Variants in FAM76A observed in about 807,000 individuals in gnomAD.
FAM76A encodes the protein family with sequence similarity 76 member A, also known as protein FAM76A.
FAM76A carries 32 observed loss-of-function variants against 46.2 expected under a neutral mutation model. The ratio of observed to expected loss-of-function variants is 0.69; its 90% CI spans 0.52 to 0.93. The LOEUF (loss-of-function observed/expected upper bound fraction) is 0.93. Ranked by LOEUF, FAM76A falls within the 40% of genes least tolerant of loss-of-function variation. The pLI, the probability that FAM76A is intolerant of heterozygous loss-of-function variation, is 0.00. For missense variants in FAM76A, 274 were observed against 361.5 expected, an observed-to-expected ratio of 0.76 and a Z score of 1.96; for synonymous variants, 137 against 127.0, an observed-to-expected ratio of 1.08 and a Z score of -0.53.
chr1:27,733,101 T>A (rs1370663946), intron 3 of FAM76A, among the ~76,000 whole-genome samples: 1 of 152,068 alleles, frequency 6.6e-6, no homozygotes, highest in Non-Finnish European at 1.5e-5. Context: ...CCTGGCTGAT[T>A]TTTGTATTTT....
At position 27,732,563 on chromosome 1, in the gene FAM76A, A is replaced by G. The variant is rs374605911; in HGVS notation, c.147-40A>G. On this transcript the variant is annotated intron_variant, in intron 2 of 8. Coordinates refer to ENST00000373954, the MANE Select transcript of FAM76A (RefSeq NM_152660.3). ...GGCTTAAGGAGGTATCAGTTTTCAG[A>G]TATTCTAAGAAAAGCCTGTGTCTCT... 3.2e-6 allele frequency: 5 copies of G among 1,581,986 alleles called. No individual in the cohort carries two copies. The African/African-American group carries it at 6.7e-5, about 21-fold the overall frequency.
chr1:27,753,827 G>A (rs1415108067), intron 6 of FAM76A, among the ~76,000 whole-genome samples: 1 of 152,186 alleles, frequency 6.6e-6, no homozygotes, highest in African/African-American at 2.4e-5. Context: ...AGGGAGTTGA[G>A]AATGAGTATT....
chr1:27,737,506 G>A (rs1482255697), intron 4 of FAM76A, among the ~76,000 whole-genome samples: 1 of 152,028 alleles, frequency 6.6e-6, no homozygotes, highest in Non-Finnish European at 1.5e-5. Context: ...CTTGAGGCCA[G>A]GAGTTCAAGA....
intron 4 of FAM76A, among the ~76,000 whole-genome samples, chr1:27,737,301 C>T (rs1462432397): frequency 6.6e-6 from 1 of 152,122 alleles, no homozygotes; most frequent in African/African-American, 2.4e-5. Context: ...AAAAAAATGT[C>T]TTGTGGATCT....
At chr1:27,729,543 T>C (rs1345052611) in intron 2 of FAM76A, among the ~76,000 whole-genome samples, 2 of 151,966 alleles carry the variant, frequency 1.3e-5, no homozygotes, top group Admixed American at 1.3e-4. Context: ...AAAAAAAGGT[T>C]AAAAGAATTA....
intron 4 of FAM76A, chr1:27,739,340 C>A (rs375966198): frequency 3.2e-5 from 17 of 527,746 alleles, no homozygotes; most frequent in African/African-American, 3.1e-4. Flanking sequence ...TGGAAGTAAC[C>A]ACAGTGCCTA....
chr1:27,734,184 G>A lies in FAM76A; in HGVS notation c.354+1G>A. 6.4e-7 allele frequency: 1 copy of A among 1,566,108 alleles called. No homozygotes were observed. The highest frequency in any genetic ancestry group is 8.6e-7 in the Non-Finnish European group (1 of 1,161,598). On this transcript the variant is annotated splice_donor_variant, in intron 4 of 8. Coordinates refer to ENST00000373954, the MANE Select transcript of FAM76A (RefSeq NM_152660.3). LOFTEE classifies it high-confidence loss of function. The stretch of plus-strand genomic sequence containing the variant: ...TGACAGGAAAGATGATAGAAAGAAG[G>A]TAAATCTCTGTTTTTCTTGATTTCT...
intron 5 of FAM76A, among the ~76,000 whole-genome samples, chr1:27,745,547 G>A (rs1191951319): frequency 6.6e-6 from 1 of 152,190 alleles, no homozygotes; most frequent in African/African-American, 2.4e-5. Context: ...GGAATGAAGA[G>A]CTGAATACAA....
chr1:27,726,537 A>G (rs1311949266), intron 1 of FAM76A, among the ~76,000 whole-genome samples: 1 of 152,040 alleles, frequency 6.6e-6, no homozygotes, highest in African/African-American at 2.4e-5. Flanking sequence ...CTGAACTCCA[A>G]AGTTGGGTGC....
intron 2 of FAM76A, among the ~76,000 whole-genome samples, chr1:27,732,097 T>C (rs1423832123): frequency 6.6e-6 from 1 of 152,100 alleles, no homozygotes; most frequent in Non-Finnish European, 1.5e-5. Flanking sequence ...GCTGGGATTA[T>C]AGGCGTGAGC....
rs1162208303 is a variant in FAM76A at position 27,748,469 on chromosome 1, GTTTTT to G, written c.513-583_513-579del. Among the ~76,000 whole-genome samples, 9 of 112,642 alleles carry G rather than the reference GTTTTT, an allele frequency of 8.0e-5. No individual in the cohort carries two copies. The East Asian group carries it at 2.0e-3, about 25-fold the overall frequency. 73.9% of individuals were successfully genotyped at this position (112,642 alleles called of 152,430 possible). A position where few individuals can be genotyped will look rare whatever the true frequency, so the allele number is the denominator to read the frequency against. On this transcript the variant is annotated intron_variant, in intron 5 of 8. Transcript: ENST00000373954. ...AAGACAGATTATACTTCTTATTGAAGTTTTTTTTTTTTTTTTTTTTGAGGCGGAGT... is the reference window on the plus strand; with the variant it reads ...AAGACAGATTATACTTCTTATTGAAGTTTTTTTTTTTTTTTGAGGCGGAGT...
intron 4 of FAM76A, 26 bp downstream of exon 4, chr1:27,734,209 T>G (rs1325823170): frequency 6.4e-7 from 1 of 1,556,048 alleles, no homozygotes; most frequent in Non-Finnish European, 8.7e-7. Flanking sequence ...TCTTGATTTC[T>G]TTTTTTCCTT....
intron 6 of FAM76A, among the ~76,000 whole-genome samples, chr1:27,750,072 T>C (rs558959734): frequency 3.4e-4 from 52 of 152,126 alleles, no homozygotes; most frequent in Non-Finnish European, 6.5e-4. Flanking sequence ...CTGGGCATCC[T>C]GAAGTGAAAC....
At chr1:27,741,127 C>T (rs1156987855) in intron 4 of FAM76A, among the ~76,000 whole-genome samples, 2 of 148,320 alleles carry the variant, frequency 1.3e-5, no homozygotes, top group African/African-American at 5.0e-5. Flanking sequence ...AGCGAAACTC[C>T]GTCTCAAAAA....
Position 27,744,649 on chromosome 1 carries a change from T to G in FAM76A, c.355-5T>G, listed in dbSNP as rs1394620196. On this transcript the variant is annotated splice_polypyrimidine_tract_variant and splice_region_variant and intron_variant, in intron 4 of 8. Coordinates refer to ENST00000373954, the MANE Select transcript of FAM76A (RefSeq NM_152660.3). Reference sequence around the variant, plus strand: ...CTTCTTTATCTTTGTCTCCTTGTCTTTCAGGTAGATGGGAAATTGCTGTGC... The same window carrying G: ...CTTCTTTATCTTTGTCTCCTTGTCTGTCAGGTAGATGGGAAATTGCTGTGC... 6.2e-7 allele frequency: 1 copy of G among 1,613,800 alleles called. No individual in the cohort carries two copies. Among genetic ancestry groups the G allele is most frequent in the Admixed American group, 1.7e-5 (1 of 59,994 alleles).
intron 7 of FAM76A, among the ~76,000 whole-genome samples, chr1:27,755,866 C>T (rs566950882): frequency 6.6e-6 from 1 of 152,108 alleles, no homozygotes; most frequent in Non-Finnish European, 1.5e-5. Context: ...TGAGCCATTG[C>T]CCCTGGCCTC....
intron 4 of FAM76A, among the ~76,000 whole-genome samples, chr1:27,738,752 A>T (rs539397539): frequency 6.6e-6 from 1 of 152,338 alleles, no homozygotes; most frequent in South Asian, 2.1e-4. Flanking sequence ...TAAATTTTAG[A>T]TATTAGTGCT....
chr1:27,750,835 G>A (rs749349011), intron 6 of FAM76A, among the ~76,000 whole-genome samples: 25 of 152,176 alleles, frequency 1.6e-4, no homozygotes, highest in Admixed American at 3.9e-4. Flanking sequence ...CCTTGACATA[G>A]GTACATGGTC....
intron 4 of FAM76A, 91 bp from the exon 5 acceptor site, chr1:27,744,563 G>T: frequency 7.2e-7 from 1 of 1,392,506 alleles, no homozygotes; most frequent in South Asian, 1.3e-5. Context: ...TCAGAACTGG[G>T]ACTGAACCCA....
Sources: gnomAD v4.1 joint callset for allele counts (sites outside exome capture counted in the v4.1 genomes callset) on GRCh38, gnomAD v4.1.1 for gene constraint, MANE v1.5 for transcripts, NCBI Gene and HGNC (gene_info 2026-07-23, HGNC 2026-07-21) for gene names.